Variants in ZNF385D observed in about 807,000 individuals in gnomAD.
ZNF385D encodes zinc finger protein 659.
Under a neutral mutation model 35.8 loss-of-function variants are expected in ZNF385D, and 15 were observed. That is an observed-to-expected ratio of 0.42 (90% CI 0.28 to 0.64). The LOEUF is 0.64. Ranked by LOEUF, ZNF385D falls within the 30% of genes least tolerant of loss-of-function variation. The pLI, the probability that ZNF385D is intolerant of heterozygous loss-of-function variation, is 0.23. For missense variants in ZNF385D, 474 were observed against 494.6 expected (o/e 0.96, Z 0.39); for synonymous variants, 212 against 186.8 (o/e 1.13, Z -1.10).
intron 3 of ZNF385D, chr3:22,134,015 A>C (rs1475825948): frequency 6.6e-6 from 1 of 152,166 alleles, no homozygotes; most frequent in Non-Finnish European, 1.5e-5. Context: ...AGAAAAGGGG[A>C]AACAGACAGA....
intron 3 of ZNF385D, among the ~76,000 whole-genome samples, chr3:21,534,378 T>C (rs2061990472): frequency 6.6e-6 from 1 of 152,036 alleles, no homozygotes; most frequent in African/African-American, 2.4e-5. Flanking sequence ...ACGTCTACTG[T>C]AGCTGACTTA....
chr3:22,263,050 A>T (rs990574991), intron 2 of ZNF385D, among the ~76,000 whole-genome samples: 8 of 151,706 alleles, frequency 5.3e-5, no homozygotes, highest in African/African-American at 1.9e-4. Flanking sequence ...CAGTATCATC[A>T]CCCCCAGTTC....
intron 3 of ZNF385D, among the ~76,000 whole-genome samples, chr3:22,131,119 G>C (rs1420420442): frequency 6.6e-6 from 1 of 152,060 alleles, no homozygotes; most frequent in Non-Finnish European, 1.5e-5. Context: ...AAATGTATAA[G>C]ATAATGGAAA....
intron 2 of ZNF385D, among the ~76,000 whole-genome samples, chr3:21,613,174 C>A (rs527844456): frequency 6.6e-6 from 1 of 151,958 alleles, no homozygotes; most frequent in East Asian, 1.9e-4. Flanking sequence ...TGGGTAACAT[C>A]AAACTTATAC....
intron 2 of ZNF385D, among the ~76,000 whole-genome samples, chr3:22,279,178 G>A (rs1398462419): frequency 6.6e-6 from 1 of 151,880 alleles, no homozygotes; most frequent in African/African-American, 2.4e-5. Flanking sequence ...TTATTTAGTG[G>A]CCAATTCTGA....
intron 1 of ZNF385D, among the ~76,000 whole-genome samples, chr3:21,701,177 A>G (rs2067668636): frequency 6.6e-6 from 1 of 152,188 alleles, no homozygotes; most frequent in Non-Finnish European, 1.5e-5. Context: ...GTCCATTTTC[A>G]TGTTGCTAAT....
At chr3:21,777,079 T>G (rs1003809733) in intron 3 of ZNF385D, among the ~76,000 whole-genome samples, 1 of 152,002 alleles carries the variant, frequency 6.6e-6, no homozygotes, top group Non-Finnish European at 1.5e-5. Context: ...GCCAATAATG[T>G]CTGTGGGATA....
chr3:22,010,542 A>G (rs1455150971), intron 3 of ZNF385D, among the ~76,000 whole-genome samples: 1 of 152,180 alleles, frequency 6.6e-6, no homozygotes, highest in Non-Finnish European at 1.5e-5. Flanking sequence ...CAGTCTAGAG[A>G]CTGCAAGTCC....
At chr3:21,743,094 G>C (rs1329114442) in intron 1 of ZNF385D, among the ~76,000 whole-genome samples, 3 of 152,146 alleles carry the variant, frequency 2.0e-5, no homozygotes, top group Non-Finnish European at 2.9e-5. Flanking sequence ...ACAAATGTGA[G>C]ATGACTTTCC....
intron 3 of ZNF385D, among the ~76,000 whole-genome samples, chr3:21,914,795 C>T (rs1471021110): frequency 2.0e-5 from 3 of 151,836 alleles, no homozygotes; most frequent in Non-Finnish European, 4.4e-5. Flanking sequence ...TAAAAAGCCA[C>T]TTCATTATCT....
intron 2 of ZNF385D, among the ~76,000 whole-genome samples, chr3:22,268,434 T>G (rs1701006735): frequency 6.6e-6 from 1 of 152,004 alleles, no homozygotes; most frequent in South Asian, 2.1e-4. Context: ...TTACTTTTAT[T>G]TAAAAAAGAG....
chr3:21,681,719 A>G (rs2066917374), intron 1 of ZNF385D, among the ~76,000 whole-genome samples: 1 of 151,512 alleles, frequency 6.6e-6, no homozygotes, highest in Non-Finnish European at 1.5e-5. Flanking sequence ...AACAAACAAA[A>G]AAGGAAATAA....
rs562524257 is a variant in ZNF385D, at chr3:21,666,080, T to C, written c.23-1052A>G. On this transcript the variant is annotated intron_variant, in intron 1 of 7. Coordinates refer to ENST00000281523, the MANE Select transcript of ZNF385D (RefSeq NM_024697.3). ...GACATGCTTGCGCCACTTACTTGCC[T>C]GCCATCTCGTTTTTAAAAACAAAGT... Among the ~76,000 whole-genome samples, 3 of 152,352 alleles carry C rather than the reference T, an allele frequency of 2.0e-5. No individual in the cohort carries two copies. The East Asian group carries it at 5.8e-4, about 29-fold the overall frequency.
At chr3:22,344,596 A>AT (rs1418322076) in intron 2 of ZNF385D, among the ~76,000 whole-genome samples, 2 of 150,898 alleles carry the variant, frequency 1.3e-5, no homozygotes, top group Non-Finnish European at 1.5e-5. Flanking sequence ...GTTTTTTTGT[A>AT]TTTTTTGTAG....
At chr3:21,694,295 A>G (rs1000605640) in intron 1 of ZNF385D, among the ~76,000 whole-genome samples, 4 of 151,952 alleles carry the variant, frequency 2.6e-5, no homozygotes, top group African/African-American at 9.7e-5. Context: ...TTGGCCTCCC[A>G]AAGTGCTGGG....
chr3:21,776,949 T>C (rs1324118061), intron 3 of ZNF385D, among the ~76,000 whole-genome samples: 1 of 151,928 alleles, frequency 6.6e-6, no homozygotes, highest in African/African-American at 2.4e-5. Flanking sequence ...TGCTGAACGG[T>C]GCTAAAGAGG....
At chr3:21,974,794 A>G (rs1168195875) in intron 3 of ZNF385D, among the ~76,000 whole-genome samples, 3 of 152,178 alleles carry the variant, frequency 2.0e-5, no homozygotes, top group African/African-American at 7.2e-5. Flanking sequence ...AGGCACGCAA[A>G]TGGCAAACAA....
At chr3:21,458,647 T>C (rs1480059893) in intron 4 of ZNF385D, among the ~76,000 whole-genome samples, 1 of 152,032 alleles carries the variant, frequency 6.6e-6, no homozygotes, top group African/African-American at 2.4e-5. Flanking sequence ...AAAAACTGTG[T>C]CATGAATGAA....
At chr3:21,473,510 C>A (rs2125351942) in intron 4 of ZNF385D, among the ~76,000 whole-genome samples, 1 of 152,044 alleles carries the variant, frequency 6.6e-6, no homozygotes, top group Admixed American at 6.6e-5. Context: ...AGGGTGTCTC[C>A]CTGATACTGC....
Sources: allele counts gnomAD v4.1 joint callset (sites outside exome capture counted in the v4.1 genomes callset), GRCh38; gene constraint gnomAD v4.1.1; transcripts MANE v1.5; gene names NCBI Gene and HGNC (gene_info 2026-07-23, HGNC 2026-07-21).